The following HLCS variants were observed in gnomAD, a reference collection of about 807,000 sequenced individuals.
HLCS encodes holocarboxylase synthetase, also known as biotin--protein ligase.
In HLCS, 53 loss-of-function variants were observed where a neutral mutation model predicts 75.0. The observed-to-expected ratio is 0.71, with a 90% CI of 0.57 to 0.89. The LOEUF (loss-of-function observed/expected upper bound fraction) is 0.89. Ranked by LOEUF, HLCS falls within the 40% of genes least tolerant of loss-of-function variation. The pLI is 0.00. For missense variants in HLCS, 966 were observed against 1,074.0 expected, an observed-to-expected ratio of 0.90 and a Z score of 1.41; for synonymous variants, 431 against 428.6, an observed-to-expected ratio of 1.01 and a Z score of -0.07.
chr21:36,802,069 T>C (rs1412479649), intron 6 of HLCS, among the ~76,000 whole-genome samples: 8 of 152,202 alleles, frequency 5.3e-5, no homozygotes, highest in Admixed American at 4.6e-4. Flanking sequence ...GCAAATAATA[T>C]TCTCTTTCAA....
chr21:36,750,596 C>T lies in HLCS; in HGVS notation c.*3650G>A, dbSNP rs1054546040. Among the ~76,000 whole-genome samples the T allele has an allele frequency of 3.3e-5, 5 of 151,938 alleles. No individual in the cohort carries two copies. The highest frequency in any genetic ancestry group is 9.7e-5 in the African/African-American group (4 of 41,300). On this transcript the variant is annotated 3_prime_UTR_variant, in exon 11 of 11. Coordinates refer to ENST00000674895, the MANE Select transcript of HLCS (RefSeq NM_001352514.2). The stretch of plus-strand genomic sequence containing the variant: ...GCCAATGGATCTTGTATAAAGTCTA[C>T]GTAAGTTTTAATTTACCAGAGCTAT...
At chr21:36,930,509 T>TA in intron 4 of HLCS, 76 bp from the exon 5 acceptor site, 1 of 1,301,030 alleles carries the variant, frequency 7.7e-7, no homozygotes, top group South Asian at 1.3e-5. Context: ...TTTTTCTTTT[T>TA]CTTTTTTTTT....
chr21:36,774,255 G>C (rs987744390), intron 6 of HLCS, among the ~76,000 whole-genome samples: 1 of 152,010 alleles, frequency 6.6e-6, no homozygotes, highest in Non-Finnish European at 1.5e-5. Context: ...GGGACCCTGG[G>C]GATATTATTC....
At chr21:36,913,769 A>T (rs1454859448) in intron 5 of HLCS, among the ~76,000 whole-genome samples, 1 of 152,164 alleles carries the variant, frequency 6.6e-6, no homozygotes, top group African/African-American at 2.4e-5. Context: ...CTTAAAAAAA[A>T]AGAAACTTGA....
chr21:36,785,720 ATAG>A (rs2145855538), intron 6 of HLCS, among the ~76,000 whole-genome samples: 1 of 152,296 alleles, frequency 6.6e-6, no homozygotes, highest in East Asian at 1.9e-4. Flanking sequence ...GCTAAGTATT[ATAG>A]AAGTGGAGGC....
chr21:36,822,325 CAGA>C (rs1349365682), intron 6 of HLCS, among the ~76,000 whole-genome samples: 1 of 152,050 alleles, frequency 6.6e-6, no homozygotes, highest in Non-Finnish European at 1.5e-5. Context: ...GAGGCTGAGG[CAGA>C]AGAATTGCTT....
In HLCS at chr21:36,786,286, T is replaced by TC. The variant is rs1274094808; in HGVS notation, c.1893-19002_1893-19001insG. Among the ~76,000 whole-genome samples, 4 of 151,328 alleles carry TC rather than the reference T, an allele frequency of 2.6e-5. No homozygotes were observed. In the East Asian group the frequency reaches 7.7e-4, roughly 29 times the overall value. On this transcript the variant is annotated intron_variant, in intron 6 of 10. Coordinates refer to ENST00000674895, the MANE Select transcript of HLCS (RefSeq NM_001352514.2). ...TATATATGCTTTTCTATTTAAGCTTTTTTTTTTTTTAAATCTAAAAAACAC... is the reference window on the plus strand; with the variant it reads ...TATATATGCTTTTCTATTTAAGCTTTCTTTTTTTTTTAAATCTAAAAAACAC...
At position 36,828,930 on chromosome 21, in the gene HLCS, C is replaced by T. The variant is rs576889273; in HGVS notation, c.1893-61645G>A. Among the ~76,000 whole-genome samples, 3 of 152,316 alleles carry T rather than the reference C, an allele frequency of 2.0e-5. No homozygotes were observed. In the South Asian group the frequency reaches 6.2e-4, roughly 32 times the overall value. On this transcript the variant is annotated intron_variant, in intron 6 of 10. Coordinates refer to ENST00000674895, the MANE Select transcript of HLCS (RefSeq NM_001352514.2). ...ACAAATGCACAATGATTAGACTATG[C>T]TACTACTAATCAAGGAAAATGCAGG...
Position 36,938,961 on chromosome 21 carries a change from C to T in HLCS, c.364G>A (p.Ala122Thr), listed in dbSNP as rs561861949. ...CGATAAGGATCCCCAGGTCTGCAAG[C>T]TAATGGCAAACAACAGTCTGACCAC... ...VKWSDCCLPL[A>T]CRPGDPYRLI... Residue 122 changes from alanine (A) to threonine (T), a missense_variant, in exon 3 of 11, where the codon GCT (alanine) becomes ACT (threonine). By Grantham distance (58) the Ala-to-Thr change is moderately conservative. Coordinates refer to ENST00000674895, the MANE Select transcript of HLCS (RefSeq NM_001352514.2). 242 of 1,611,354 alleles carry T rather than the reference C, an allele frequency of 1.5e-4. No individual in the cohort carries two copies. The African/African-American group carries it at 2.6e-3, about 17-fold the overall frequency.
chr21:36,819,591 G>A (rs1311947707), intron 6 of HLCS, among the ~76,000 whole-genome samples: 1 of 152,094 alleles, frequency 6.6e-6, no homozygotes, highest in Non-Finnish European at 1.5e-5. Context: ...ATCATTTACG[G>A]AAAGCTTCTA....
At chr21:36,947,216 C>T (rs1444883357) in intron 2 of HLCS, 1 of 381,886 alleles carries the variant, frequency 2.6e-6, no homozygotes, top group Non-Finnish European at 3.6e-6. Flanking sequence ...TCCCACACAC[C>T]TCTGAAGAGG....
intron 1 of HLCS, among the ~76,000 whole-genome samples, chr21:36,966,239 G>C (rs1329413310): frequency 6.6e-6 from 1 of 152,166 alleles, no homozygotes; most frequent in Non-Finnish European, 1.5e-5. Context: ...GCCGGGAAGA[G>C]GCGACCGGGT....
chr21:36,887,529 C>T (rs1475371827), intron 6 of HLCS, among the ~76,000 whole-genome samples: 1 of 152,136 alleles, frequency 6.6e-6, no homozygotes, highest in African/African-American at 2.4e-5. Flanking sequence ...AGGAGCTTGG[C>T]ATGTGAAAGG....
chr21:36,837,214 T>A (rs990588105), intron 6 of HLCS, among the ~76,000 whole-genome samples: 2 of 152,180 alleles, frequency 1.3e-5, no homozygotes, highest in African/African-American at 2.4e-5. Context: ...AAAAACTGCA[T>A]GGCATTTGAC....
chr21:36,897,218 A>G, intron 5 of HLCS, 87 bp from the exon 6 acceptor site: 1 of 1,315,368 alleles, frequency 7.6e-7, no homozygotes, highest in East Asian at 2.3e-5. Context: ...CATTTTGGTA[A>G]TATGAGTACT....
At chr21:36,785,248 C>T (rs1237276530) in intron 6 of HLCS, among the ~76,000 whole-genome samples, 2 of 152,148 alleles carry the variant, frequency 1.3e-5, no homozygotes, top group African/African-American at 4.8e-5. Flanking sequence ...GCTCGTTTGC[C>T]GGGATGCTTA....
chr21:36,794,199 C>T (rs2060957974), intron 6 of HLCS, among the ~76,000 whole-genome samples: 1 of 152,232 alleles, frequency 6.6e-6, no homozygotes, highest in Non-Finnish European at 1.5e-5. Flanking sequence ...TTTCTGTGAA[C>T]AAATGCTCTG....
chr21:36,905,669 T>C (rs1157862676), intron 5 of HLCS, among the ~76,000 whole-genome samples: 1 of 152,036 alleles, frequency 6.6e-6, no homozygotes, highest in East Asian at 1.9e-4. Flanking sequence ...TTGGGTCATG[T>C]TGCACAGGAC....
chr21:36,844,266 A>T (rs547838046), intron 6 of HLCS, among the ~76,000 whole-genome samples: 2 of 152,236 alleles, frequency 1.3e-5, no homozygotes, highest in East Asian at 3.9e-4. Context: ...GGACTTCAAC[A>T]ACAATTTATG....
Sources: gnomAD v4.1 joint callset for allele counts (sites outside exome capture counted in the v4.1 genomes callset) on GRCh38, gnomAD v4.1.1 for gene constraint, MANE v1.5 for transcripts, NCBI Gene and HGNC (gene_info 2026-07-23, HGNC 2026-07-21) for gene names.